Variants in MTMR7 observed in about 807,000 individuals in gnomAD.
The protein encoded by MTMR7 is myotubularin related protein 7.
In MTMR7, 76 loss-of-function variants were observed where a neutral mutation model predicts 81.2. The observed-to-expected ratio is 0.94, with a 90% CI of 0.78 to 1.13. The LOEUF is 1.13. MTMR7 is among the 50% of genes most tolerant of loss of function. MTMR7 has a pLI of 0.00. For synonymous variants in MTMR7, 372 were observed against 289.8 expected (o/e 1.28, Z -2.88); for missense variants, 1,044 against 820.0 (o/e 1.27, Z -3.34).
chr8:17,378,372 T>C (rs1820654344), intron 1 of MTMR7, among the ~76,000 whole-genome samples: 1 of 152,216 alleles, frequency 6.6e-6, no homozygotes, highest in Admixed American at 6.5e-5. Flanking sequence ...CCTCACAGTT[T>C]ATACTAAGAC....
chr8:17,309,437 G>T, intron 9 of MTMR7, 111 bp from the exon 10 acceptor site: 1 of 748,482 alleles, frequency 1.3e-6, no homozygotes, highest in Non-Finnish European at 2.4e-6. Context: ...CCCCATCCTC[G>T]AGTAACCTGC....
At chr8:17,336,034 C>T (rs1008510620) in intron 6 of MTMR7, among the ~76,000 whole-genome samples, 1 of 152,162 alleles carries the variant, frequency 6.6e-6, no homozygotes, top group Non-Finnish European at 1.5e-5. Flanking sequence ...GAAAGCTCGG[C>T]AGGGTTCCAA....
chr8:17,394,738 G>A (rs577942435), intron 1 of MTMR7, among the ~76,000 whole-genome samples: 26 of 152,098 alleles, frequency 1.7e-4, no homozygotes, highest in East Asian at 5.8e-4. Flanking sequence ...ATATATATAC[G>A]TGGCAGAGTA....
intron 7 of MTMR7, among the ~76,000 whole-genome samples, chr8:17,320,525 A>G (rs992327615): frequency 1.3e-5 from 2 of 152,198 alleles, no homozygotes; most frequent in Non-Finnish European, 2.9e-5. Context: ...TAAGGAGGAC[A>G]TACAGAAGCT....
At chr8:17,376,010 G>A (rs886104354) in intron 1 of MTMR7, among the ~76,000 whole-genome samples, 4 of 151,980 alleles carry the variant, frequency 2.6e-5, no homozygotes, top group African/African-American at 4.8e-5. Context: ...AAACATTAAC[G>A]CACTATTTTA....
At chr8:17,393,257 C>A (rs1416852649) in intron 1 of MTMR7, among the ~76,000 whole-genome samples, 1 of 152,158 alleles carries the variant, frequency 6.6e-6, no homozygotes, top group Non-Finnish European at 1.5e-5. Flanking sequence ...CTATCTCACA[C>A]CATATACAAA....
chr8:17,311,411 A>G, intron 9 of MTMR7, 100 bp downstream of exon 9: 5 of 1,503,136 alleles, frequency 3.3e-6, no homozygotes, highest in Non-Finnish European at 4.5e-6. Flanking sequence ...AAAGAAAAAT[A>G]ATGCTGGCAA....
At chr8:17,361,416 T>A in intron 3 of MTMR7, 142 bp from the exon 4 acceptor site, 1 of 823,858 alleles carries the variant, frequency 1.2e-6, no homozygotes. Context: ...GAGTAACCTG[T>A]GTGCAGTGGA....
intron 1 of MTMR7, among the ~76,000 whole-genome samples, chr8:17,385,312 C>T (rs1327153540): frequency 6.6e-6 from 1 of 151,920 alleles, no homozygotes; most frequent in Non-Finnish European, 1.5e-5. Flanking sequence ...TGTGTCCCCA[C>T]GCAAATCTCA....
At chr8:17,402,120 T>C (rs961312514) in intron 1 of MTMR7, among the ~76,000 whole-genome samples, 2 of 152,122 alleles carry the variant, frequency 1.3e-5, no homozygotes, top group African/African-American at 2.4e-5. Flanking sequence ...TCTGAGCACA[T>C]AGTAGGTCTA....
At chr8:17,365,512 G>A (rs1269036236) in intron 3 of MTMR7, among the ~76,000 whole-genome samples, 2 of 152,064 alleles carry the variant, frequency 1.3e-5, no homozygotes, top group African/African-American at 2.4e-5. Context: ...AGCTCCTCTG[G>A]CTTTTCCCAT....
intron 9 of MTMR7, 138 bp downstream of exon 9, chr8:17,311,373 C>A (rs1817771523): frequency 9.0e-7 from 1 of 1,115,608 alleles, no homozygotes; most frequent in East Asian, 2.4e-5. Context: ...ATCTTGATCT[C>A]TTCCCCTTTA....
chr8:17,391,745 T>C lies in MTMR7; in HGVS notation c.25-18505A>G, dbSNP rs144269668. 5.0e-3 allele frequency among the ~76,000 whole-genome samples: 756 copies of C among 152,280 alleles called. 10 individuals carry two copies. The highest frequency in any genetic ancestry group is 0.017 in the African/African-American group (724 of 41,550). ...TACTTTCACAGCTTGGCAATAAATT[T>C]ATTTCTCCGGGAATCTATGATAAGC... is the stretch of plus-strand genomic sequence containing the variant. On this transcript the variant is annotated intron_variant, in intron 1 of 13. Transcript: ENST00000180173.
At chr8:17,311,181 T>C (rs2073688) in intron 9 of MTMR7, among the ~76,000 whole-genome samples, 119,613 of 152,150 alleles carry the variant, frequency 0.79, 47,448 homozygotes, top group African/African-American at 0.88. Flanking sequence ...TACATATTCA[T>C]GTTACCTCAA....
intron 2 of MTMR7, among the ~76,000 whole-genome samples, chr8:17,371,854 T>G (rs1488760212): frequency 2.7e-5 from 3 of 110,456 alleles, no homozygotes; most frequent in Non-Finnish European, 6.0e-5. Flanking sequence ...ACCTATAGTT[T>G]TTTTTTTTTT....
intron 1 of MTMR7, among the ~76,000 whole-genome samples, chr8:17,392,353 G>C (rs1821131445): frequency 6.6e-6 from 1 of 152,152 alleles, no homozygotes. Context: ...GGCTCAAGTA[G>C]ACTTACATAG....
At chr8:17,309,189 A>G in intron 10 of MTMR7, 88 bp downstream of exon 10, 2 of 905,344 alleles carry the variant, frequency 2.2e-6, no homozygotes, top group Non-Finnish European at 3.5e-6. Flanking sequence ...TCAAAAAACA[A>G]GACGATTTTC....
chr8:17,370,860 C>G (rs1356065751), intron 3 of MTMR7, among the ~76,000 whole-genome samples, 177 bp downstream of exon 3: 1 of 152,008 alleles, frequency 6.6e-6, no homozygotes, highest in African/African-American at 2.4e-5. Context: ...GGGGGAGACT[C>G]TAAAAAAACA....
chr8:17,315,706 GA>G (rs890804347), intron 7 of MTMR7, among the ~76,000 whole-genome samples: 1 of 149,664 alleles, frequency 6.7e-6, no homozygotes, highest in Non-Finnish European at 1.5e-5. Context: ...TGTCTCTTAA[GA>G]AAAAAAAACA....
Sources: allele counts gnomAD v4.1 joint callset (sites outside exome capture counted in the v4.1 genomes callset), GRCh38; gene constraint gnomAD v4.1.1; transcripts MANE v1.5; gene names NCBI Gene and HGNC (gene_info 2026-07-23, HGNC 2026-07-21).